The following CCSER1 variants were observed in gnomAD, a reference collection of about 807,000 sequenced individuals.
The protein encoded by CCSER1 is serine-rich coiled-coil domain-containing protein 1.
In CCSER1, 41 loss-of-function variants were observed where a neutral mutation model predicts 82.0. That is an observed-to-expected ratio of 0.50 (90% CI 0.39 to 0.65). The LOEUF (loss-of-function observed/expected upper bound fraction) is 0.65. Among genes scored for constraint, CCSER1 ranks in the 30% least tolerant of loss-of-function variants. The pLI is 0.00. For synonymous variants in CCSER1, 414 were observed against 383.9 expected (o/e 1.08, Z -0.92); for missense variants, 1,119 against 1,064.2 (o/e 1.05, Z -0.72).
chr4:90,825,063 A>G (rs1189996068), intron 8 of CCSER1, among the ~76,000 whole-genome samples: 1 of 152,230 alleles, frequency 6.6e-6, no homozygotes, highest in Non-Finnish European at 1.5e-5. Context: ...TGCCAAAAAG[A>G]TACAATCTTT....
At chr4:90,584,856 T>A (rs923233596) in intron 5 of CCSER1, among the ~76,000 whole-genome samples, 13 of 152,234 alleles carry the variant, frequency 8.5e-5, no homozygotes, top group African/African-American at 2.9e-4. Flanking sequence ...ATCTTTTTTT[T>A]AAAAAAAGCA....
intron 9 of CCSER1, among the ~76,000 whole-genome samples, chr4:91,036,960 C>A (rs1444288756): frequency 6.6e-6 from 1 of 152,012 alleles, no homozygotes; most frequent in Non-Finnish European, 1.5e-5. Flanking sequence ...GGCCTGTAAT[C>A]TCGCTACTCA....
intron 7 of CCSER1, among the ~76,000 whole-genome samples, chr4:90,754,097 C>T (rs1388647438): frequency 1.3e-5 from 2 of 152,086 alleles, no homozygotes; most frequent in Admixed American, 1.3e-4. Flanking sequence ...CTTCATGGCA[C>T]TTATTATTTT....
chr4:91,048,657 A>C (rs930250873), intron 9 of CCSER1, among the ~76,000 whole-genome samples: 1 of 152,154 alleles, frequency 6.6e-6, no homozygotes, highest in South Asian at 2.1e-4. Context: ...ATGATTATAC[A>C]CACTCCTTCA....
rs12646115 is a variant in CCSER1 at position 91,022,192 on chromosome 4, C to T, written c.2173-63758C>T. 7.4e-3 allele frequency among the ~76,000 whole-genome samples: 1,076 copies of T among 145,840 alleles called. 25 individuals are homozygous for T. In the East Asian group the frequency reaches 0.074, roughly 10 times the overall value. On this transcript the variant is annotated intron_variant, in intron 9 of 10. Transcript: ENST00000509176. The stretch of plus-strand genomic sequence containing the variant: ...CCAGGCCCTGGTGTGTGATGTTCCC[C>T]TTCCTGTGTCCATGTTTTCTCATTG...
At chr4:91,229,162 C>T (rs1738426779) in intron 10 of CCSER1, among the ~76,000 whole-genome samples, 1 of 151,880 alleles carries the variant, frequency 6.6e-6, no homozygotes, top group African/African-American at 2.4e-5. Context: ...TAAAAGAACA[C>T]ATTCGCACAC....
chr4:90,391,064 G>A (rs1750925328), intron 3 of CCSER1, among the ~76,000 whole-genome samples: 1 of 138,500 alleles, frequency 7.2e-6, no homozygotes, highest in African/African-American at 2.8e-5. Flanking sequence ...AGGAGTTCAA[G>A]ACCAGCCTGG....
At chr4:90,170,370 A>C (rs1423878315) in intron 1 of CCSER1, among the ~76,000 whole-genome samples, 1 of 150,444 alleles carries the variant, frequency 6.6e-6, no homozygotes, top group Non-Finnish European at 1.5e-5. Flanking sequence ...AATATCTTTT[A>C]ATTCTCGAAC....
intron 1 of CCSER1, among the ~76,000 whole-genome samples, chr4:90,233,810 C>T (rs1439508638): frequency 2.0e-5 from 3 of 150,782 alleles, no homozygotes; most frequent in Non-Finnish European, 4.4e-5. Context: ...TTATTTTGTT[C>T]TATTAATATG....
intron 9 of CCSER1, among the ~76,000 whole-genome samples, chr4:91,057,332 TCAGA>T (rs1273324134): frequency 6.6e-6 from 1 of 152,144 alleles, no homozygotes; most frequent in East Asian, 1.9e-4. Context: ...AATAGCTACA[TCAGA>T]CAGATTCTCT....
At chr4:91,553,455 A>AAGAT (rs57825909) in intron 10 of CCSER1, among the ~76,000 whole-genome samples, 8,391 of 151,534 alleles carry the variant, frequency 0.055, 314 homozygotes, top group Middle Eastern at 0.082. Flanking sequence ...TATTTTAAGA[A>AAGAT]AGATAGATAT....
chr4:90,709,468 T>C (rs896506446), intron 6 of CCSER1, among the ~76,000 whole-genome samples: 1 of 152,102 alleles, frequency 6.6e-6, no homozygotes, highest in African/African-American at 2.4e-5. Flanking sequence ...CAGTGTGTGT[T>C]GTTTTCCCCT....
rs951051180 is a variant in CCSER1 at position 90,361,169 on chromosome 4, A to T, written c.1510-38867A>T. Among the ~76,000 whole-genome samples, 14 of 152,352 alleles carry T rather than the reference A, an allele frequency of 9.2e-5. No individual in the cohort carries two copies. The South Asian group carries it at 2.7e-3, about 29-fold the overall frequency. On this transcript the variant is annotated intron_variant, in intron 3 of 10. Transcript: ENST00000509176. ...CCAATGATAGGCACTCTTTAAACAT[A>T]TACGATGGTTTCTATAGTAGTAGAG... is the stretch of plus-strand genomic sequence containing the variant.
At chr4:90,877,306 G>T (rs1032610256) in intron 8 of CCSER1, among the ~76,000 whole-genome samples, 2 of 152,156 alleles carry the variant, frequency 1.3e-5, no homozygotes, top group Admixed American at 6.6e-5. Flanking sequence ...TAACTCTCTT[G>T]TGTACCAGTA....
At chr4:91,152,879 G>A (rs551419010) in intron 10 of CCSER1, among the ~76,000 whole-genome samples, 9 of 151,956 alleles carry the variant, frequency 5.9e-5, no homozygotes, top group East Asian at 1.9e-4. Flanking sequence ...AGTTTCTGCC[G>A]AGGGATCCGC....
intron 9 of CCSER1, among the ~76,000 whole-genome samples, chr4:91,064,896 C>T (rs1178171455): frequency 6.6e-6 from 1 of 152,076 alleles, no homozygotes; most frequent in East Asian, 1.9e-4. Context: ...AGAGAAGGAG[C>T]ACCAAGTATC....
chr4:90,237,246 G>A (rs566066484), intron 1 of CCSER1, among the ~76,000 whole-genome samples: 11 of 152,234 alleles, frequency 7.2e-5, no homozygotes, highest in South Asian at 2.1e-4. Flanking sequence ...TAAGAATTTC[G>A]AAATTTGTAG....
At chr4:91,481,527 G>C (rs1757913813) in intron 10 of CCSER1, among the ~76,000 whole-genome samples, 1 of 152,114 alleles carries the variant, frequency 6.6e-6, no homozygotes, top group Non-Finnish European at 1.5e-5. Flanking sequence ...GTCACATTCT[G>C]ACATGCTGGT....
At chr4:90,995,890 T>C (rs1737451492) in intron 9 of CCSER1, among the ~76,000 whole-genome samples, 1 of 152,102 alleles carries the variant, frequency 6.6e-6, no homozygotes, top group Non-Finnish European at 1.5e-5. Context: ...ATTTTTTAAA[T>C]GATAATTTGA....
Sources: gnomAD v4.1 joint callset for allele counts (sites outside exome capture counted in the v4.1 genomes callset) on GRCh38, gnomAD v4.1.1 for gene constraint, MANE v1.5 for transcripts, NCBI Gene and HGNC (gene_info 2026-07-23, HGNC 2026-07-21) for gene names.